MUC7: variants seen among roughly 807,000 people sequenced by gnomAD.
MUC7 encodes mucin-7.
In MUC7, 2 loss-of-function variants were observed where a neutral mutation model predicts 2.5. The observed-to-expected ratio is 0.81, with a 90% CI of 0.33 to 2.55. The LOEUF is 2.55. MUC7 is among the 30% of genes most tolerant of loss of function. The probability of loss-of-function intolerance (pLI) is 0.11; values close to 1 mark genes in which losing one functional copy is unlikely to be tolerated. For synonymous variants in MUC7, 133 were observed against 173.4 expected (o/e 0.77, Z 1.83); for missense variants, 408 against 455.6 (o/e 0.90, Z 0.95).
Position 70,482,160 on chromosome 4 carries a change from G to A in MUC7, c.*282G>A, listed in dbSNP as rs1735219311. ...CAAAGAAAGTCCTTAGATAAAGAGA[G>A]AATATTGTATGGGCCATCAACCATT... On this transcript the variant is annotated 3_prime_UTR_variant, in exon 3 of 3. Coordinates refer to ENST00000304887, the MANE Select transcript of MUC7 (RefSeq NM_152291.3). 2.7e-6 allele frequency: 1 copy of A among 376,636 alleles called. No homozygotes were observed. The highest frequency in any genetic ancestry group is 4.8e-6 in the Non-Finnish European group (1 of 208,914). The allele number at this position is 376,636 out of a possible 1,614,324, so 23.3% of individuals were successfully genotyped here.
chr4:70,463,291 T>G lies in MUC7; in HGVS notation c.-92-8924T>G, dbSNP rs142191812. Among the ~76,000 whole-genome samples the G allele has an allele frequency of 4.8e-3, 725 of 152,332 alleles. 6 individuals carry two copies. Among genetic ancestry groups the G allele is most frequent in the Admixed American group, 0.022 (343 of 15,302 alleles). On this transcript the variant is annotated intron_variant, in intron 1 of 3. Coordinates refer to the MUC7 transcript ENST00000413702. The stretch of plus-strand genomic sequence containing the variant: ...ATGTTTTCCATATTCAAATTATGTC[T>G]TACAGAGAAATTAGCATAAGACAAT...
At chr4:70,454,774 C>T (rs1410977334) in intron 1 of MUC7, among the ~76,000 whole-genome samples, 1 of 152,142 alleles carries the variant, frequency 6.6e-6, no homozygotes, top group African/African-American at 2.4e-5. Context: ...TTCCCAGAAA[C>T]CCAACGGGGT....
intron 1 of MUC7, among the ~76,000 whole-genome samples, chr4:70,461,807 CA>C (rs58140033): frequency 0.027 from 3,649 of 135,162 alleles, 119 homozygotes; most frequent in African/African-American, 0.088. Context: ...ATCTTAAAAT[CA>C]AAAAAAAAAA....
At chr4:70,439,048 T>A (rs1321953896) in intron 1 of MUC7, among the ~76,000 whole-genome samples, 1 of 151,976 alleles carries the variant, frequency 6.6e-6, no homozygotes, top group Admixed American at 6.6e-5. Context: ...AGAAACAAAA[T>A]AAAGAAATTG....
intron 1 of MUC7, among the ~76,000 whole-genome samples, chr4:70,465,944 C>T (rs115175537): frequency 0.074 from 11,294 of 152,078 alleles, 632 homozygotes; most frequent in East Asian, 0.19. Context: ...GACAAATAAT[C>T]GTCAGATTCA....
upstream of MUC7, among the ~76,000 whole-genome samples, chr4:70,467,686 T>C (rs1456584635): frequency 1.3e-5 from 2 of 152,234 alleles, no homozygotes; most frequent in African/African-American, 4.8e-5. Flanking sequence ...CCTGGACATA[T>C]ACACCCTCCA....
intron 1 of MUC7, among the ~76,000 whole-genome samples, chr4:70,438,429 A>AGTTTTGTTTTGTTTTGTTTTGTTTT (rs751882688): frequency 9.6e-5 from 12 of 124,830 alleles, no homozygotes; most frequent in African/African-American, 3.2e-4. Flanking sequence ...CAGGAAATGA[A>AGTTTTGTTTTGTTTTGTTTTGTTTT]GTTTTGTTTT....
intron 1 of MUC7, among the ~76,000 whole-genome samples, chr4:70,444,127 G>A (rs1734068978): frequency 6.6e-6 from 1 of 152,132 alleles, no homozygotes; most frequent in South Asian, 2.1e-4. Context: ...CTTCCACAAA[G>A]TCCATATCTG....
chr4:70,458,962 G>A (rs1322723815), intron 1 of MUC7, among the ~76,000 whole-genome samples: 2 of 152,078 alleles, frequency 1.3e-5, no homozygotes, highest in Admixed American at 6.6e-5. Context: ...ACTGATAAAA[G>A]TTATAGTCTA....
chr4:70,443,231 C>CA (rs199848623), intron 1 of MUC7, among the ~76,000 whole-genome samples: 7,747 of 136,604 alleles, frequency 0.057, 646 homozygotes, highest in African/African-American at 0.19. Context: ...TTAATTTGGC[C>CA]AAAAAAAAAA....
chr4:70,472,140 C>T (rs1336452236), upstream of MUC7: 2 of 152,104 alleles, frequency 1.3e-5, no homozygotes. Context: ...AATAGATTTC[C>T]TATTTCCAAA....
chr4:70,459,390 T>G (rs577131782), intron 1 of MUC7, among the ~76,000 whole-genome samples: 1 of 151,934 alleles, frequency 6.6e-6, no homozygotes, highest in Non-Finnish European at 1.5e-5. Context: ...TGAGAACACA[T>G]GGACACAGGA....
At chr4:70,469,231 C>G (rs1376078303), upstream of MUC7, among the ~76,000 whole-genome samples, 1 of 152,162 alleles carries the variant, frequency 6.6e-6, no homozygotes, top group African/African-American at 2.4e-5. Flanking sequence ...TGGACCCCTT[C>G]CTAACACCTT....
intron 2 of MUC7, among the ~76,000 whole-genome samples, chr4:70,480,160 C>T (rs1387962): frequency 1 from 152,379 of 152,382 alleles, 76,188 homozygotes; most frequent in Non-Finnish European, 1. Flanking sequence ...AATCAGATGA[C>T]TCATGAACCC....
intron 2 of MUC7, among the ~76,000 whole-genome samples, chr4:70,476,737 AG>A (rs1406665116): frequency 6.6e-6 from 1 of 152,244 alleles, no homozygotes; most frequent in East Asian, 1.9e-4. Flanking sequence ...CAGTGAGCCA[AG>A]ATCGTGCCAC....
chr4:70,436,102 T>G (rs1733825011), intron 1 of MUC7, among the ~76,000 whole-genome samples: 1 of 152,228 alleles, frequency 6.6e-6, no homozygotes, highest in Non-Finnish European at 1.5e-5. Flanking sequence ...CCTTTGTGAG[T>G]AGCCTAACCT....
intron 1 of MUC7, among the ~76,000 whole-genome samples, chr4:70,446,766 C>T (rs1734151409): frequency 6.6e-6 from 1 of 152,178 alleles, no homozygotes; most frequent in East Asian, 1.9e-4. Context: ...ATAACAGTTA[C>T]TGCTGATCAC....
intron 1 of MUC7, among the ~76,000 whole-genome samples, chr4:70,438,090 T>G (rs894168789): frequency 2.6e-5 from 4 of 152,196 alleles, no homozygotes; most frequent in African/African-American, 9.6e-5. Flanking sequence ...CTTCTATCTG[T>G]AAGCTACTCA....
chr4:70,466,268 A>C (rs994866062), intron 1 of MUC7, among the ~76,000 whole-genome samples: 1 of 152,208 alleles, frequency 6.6e-6, no homozygotes, highest in Admixed American at 6.5e-5. Flanking sequence ...AGCACTAAAC[A>C]TGGAAAGGAA....
Sources: gnomAD v4.1 joint callset for allele counts (sites outside exome capture counted in the v4.1 genomes callset) on GRCh38, gnomAD v4.1.1 for gene constraint, MANE v1.5 for transcripts, NCBI Gene and HGNC (gene_info 2026-07-23, HGNC 2026-07-21) for gene names.